Variants in PRPSAP2 observed in about 807,000 individuals in gnomAD.
PRPSAP2 encodes the protein phosphoribosyl pyrophosphate synthetase associated protein 2, also known as phosphoribosyl pyrophosphate synthase-associated protein 2.
In PRPSAP2, 24 loss-of-function variants were observed where a neutral mutation model predicts 40.6. The observed-to-expected ratio is 0.59, with a 90% CI of 0.43 to 0.83. The LOEUF (loss-of-function observed/expected upper bound fraction) is 0.83. PRPSAP2 is among the 40% of genes least tolerant of loss of function. The pLI is 0.00. For missense variants in PRPSAP2, 292 were observed against 465.6 expected, an observed-to-expected ratio of 0.63 and a Z score of 3.43; for synonymous variants, 149 against 164.7, an observed-to-expected ratio of 0.90 and a Z score of 0.73.
intron 10 of PRPSAP2, among the ~76,000 whole-genome samples, chr17:18,924,563 G>T (rs554990031): frequency 6.6e-6 from 1 of 151,914 alleles, no homozygotes; most frequent in African/African-American, 2.4e-5. Context: ...GGGCTCAGGA[G>T]TTCAAGACCA....
intron 10 of PRPSAP2, among the ~76,000 whole-genome samples, chr17:18,926,636 TACACAGGGACATCC>T (rs1280810108): frequency 6.6e-6 from 1 of 152,162 alleles, no homozygotes; most frequent in Non-Finnish European, 1.5e-5. Flanking sequence ...TAGGGGGCAA[TACACAGGGACATCC>T]TGTGTATTCA....
intron 10 of PRPSAP2, among the ~76,000 whole-genome samples, chr17:18,927,697 T>C (rs1197060902): frequency 2.0e-5 from 3 of 152,348 alleles, no homozygotes. Context: ...GTTGCAGATA[T>C]ACTCTTATAA....
At chr17:18,884,255 A>G (rs1172572598) in intron 7 of PRPSAP2, among the ~76,000 whole-genome samples, 1 of 152,220 alleles carries the variant, frequency 6.6e-6, no homozygotes, top group Non-Finnish European at 1.5e-5. Flanking sequence ...TGACAGAGCG[A>G]GACTATCTCA....
rs755138654 is a variant in PRPSAP2, at chr17:18,870,950, CCAA to C, written c.173-1626_173-1624del. ...ACAGGTGTGAGACACCGCACCCAGC[CCAA>C]CAACAATTCTTTAATCATCTAATAT... is the stretch of plus-strand genomic sequence containing the variant. On this transcript the variant is annotated intron_variant, in intron 4 of 11. Transcript: ENST00000268835. 3.3e-5 allele frequency among the ~76,000 whole-genome samples: 5 copies of C among 152,042 alleles called. No homozygotes were observed. In the South Asian group the frequency reaches 1.0e-3, roughly 32 times the overall value.
intron 9 of PRPSAP2, among the ~76,000 whole-genome samples, chr17:18,918,229 T>C (rs1358546177): frequency 6.6e-6 from 1 of 152,132 alleles, no homozygotes; most frequent in Non-Finnish European, 1.5e-5. Context: ...AGCTTGAGTT[T>C]GCATCTGGCT....
Position 18,877,883 on chromosome 17 carries a change from G to T in PRPSAP2, c.412+13G>T. ...ATGTGCAAAGCTGGTAAGAATGGCA[G>T]ATGTTTCACAATTAATTGGGGGCCT... On this transcript the variant is annotated intron_variant, in intron 6 of 11. Transcript: ENST00000268835. The T allele has an allele frequency of 6.3e-7, 1 of 1,577,368 alleles. No homozygotes were observed. Among genetic ancestry groups the T allele is most frequent in the Non-Finnish European group, 8.6e-7 (1 of 1,162,598 alleles).
rs765459406 is a variant in PRPSAP2 at position 18,911,229 on chromosome 17, C to T, written c.711C>T (p.Ile237=). ...CCATGGTCAGAAGTGTGGCTGCCATCCACCCCAGCCTGGAGATCCCCAGTA... is the reference window on the plus strand; with the variant it reads ...CCATGGTCAGAAGTGTGGCTGCCATTCACCCCAGCCTGGAGATCCCCAGTA... ...SPPMVRSVAA[I]HPSLEIPMLI... Residue 237 remains isoleucine (I), a synonymous_variant, in exon 9 of 12, where the codon ATC becomes ATT. Transcript: ENST00000268835. The surrounding 1 kb of genome is among the most constrained non-coding windows in gnomAD (Gnocchi z 4.5). 2 of 1,611,862 alleles carry T rather than the reference C, an allele frequency of 1.2e-6. No individual in the cohort carries two copies. The highest frequency in any genetic ancestry group is 1.7e-6 in the Non-Finnish European group (2 of 1,178,706).
chr17:18,862,516 A>G (rs1015268087), intron 1 of PRPSAP2, among the ~76,000 whole-genome samples: 4 of 152,090 alleles, frequency 2.6e-5, no homozygotes, highest in Non-Finnish European at 5.9e-5. Flanking sequence ...AAGATGTTAG[A>G]AGTCAGTTCA....
chr17:18,915,207 T>C (rs1316671943), intron 9 of PRPSAP2, among the ~76,000 whole-genome samples: 2 of 151,788 alleles, frequency 1.3e-5, no homozygotes, highest in Admixed American at 6.6e-5. Context: ...GTATTTTATG[T>C]AGAGATGGAG....
chr17:18,904,517 AGTGTTG>A (rs1357656119), intron 8 of PRPSAP2: 1 of 152,232 alleles, frequency 6.6e-6, no homozygotes, highest in African/African-American at 2.4e-5. Context: ...GGCCTCCCAA[AGTGTTG>A]GGATAACAGA....
intron 8 of PRPSAP2, among the ~76,000 whole-genome samples, chr17:18,900,809 T>C (rs189489369): frequency 2.3e-4 from 35 of 152,220 alleles, no homozygotes; most frequent in African/African-American, 7.5e-4. Flanking sequence ...ATCATTCTCA[T>C]TGGGTGGTGG....
chr17:18,905,286 A>G (rs2040515093), intron 8 of PRPSAP2, among the ~76,000 whole-genome samples: 1 of 152,296 alleles, frequency 6.6e-6, no homozygotes, highest in Admixed American at 6.5e-5. Context: ...TTGGCCTCCC[A>G]AAGTGCTGGG....
At chr17:18,894,402 G>T (rs2039778840) in intron 8 of PRPSAP2, among the ~76,000 whole-genome samples, 1 of 151,342 alleles carries the variant, frequency 6.6e-6, no homozygotes, top group Non-Finnish European at 1.5e-5. Context: ...CAGGTGATCT[G>T]CCTGCCTCGG....
At chr17:18,922,324 C>T (rs1192120502) in intron 9 of PRPSAP2, among the ~76,000 whole-genome samples, 1 of 152,194 alleles carries the variant, frequency 6.6e-6, no homozygotes, top group Non-Finnish European at 1.5e-5. Context: ...TGCTGCGTCA[C>T]TTGGTGTATG....
At chr17:18,896,885 A>G (rs1023795054) in intron 8 of PRPSAP2, among the ~76,000 whole-genome samples, 2 of 152,034 alleles carry the variant, frequency 1.3e-5, no homozygotes, top group African/African-American at 4.8e-5. Context: ...GAGGTTTCCA[A>G]TTTTTGTCTT....
intron 9 of PRPSAP2, among the ~76,000 whole-genome samples, chr17:18,920,232 T>C (rs1351638348): frequency 6.6e-6 from 1 of 152,204 alleles, no homozygotes; most frequent in Non-Finnish European, 1.5e-5. Context: ...TGGCAGTCTT[T>C]AGATGAACGC....
intron 7 of PRPSAP2, among the ~76,000 whole-genome samples, chr17:18,884,833 A>T (rs927138118): frequency 6.6e-6 from 1 of 152,204 alleles, no homozygotes; most frequent in Admixed American, 6.5e-5. Context: ...CTATAGACTT[A>T]TGTGGGTTGC....
At chr17:18,876,801 A>C (rs2038333169) in intron 5 of PRPSAP2, among the ~76,000 whole-genome samples, 1 of 152,174 alleles carries the variant, frequency 6.6e-6, no homozygotes, top group South Asian at 2.1e-4. Flanking sequence ...GAGTCAGGTG[A>C]CTAGGTGGGG....
chr17:18,922,650 C>T (rs1278979024), intron 9 of PRPSAP2, among the ~76,000 whole-genome samples: 4 of 143,980 alleles, frequency 2.8e-5, no homozygotes, highest in African/African-American at 7.6e-5. Context: ...TGGCATATGG[C>T]GCATATATAT....
Sources: gnomAD v4.1 joint callset for allele counts (sites outside exome capture counted in the v4.1 genomes callset) on GRCh38, gnomAD v4.1.1 for gene constraint, Gnocchi (gnomAD v3.1) non-coding constraint, MANE v1.5 for transcripts, NCBI Gene and HGNC (gene_info 2026-07-23, HGNC 2026-07-21) for gene names.